The following HNF1B variants were observed in gnomAD, a reference collection of about 807,000 sequenced individuals.
HNF1B encodes hepatocyte nuclear factor 1-beta.
Under a neutral mutation model 61.7 loss-of-function variants are expected in HNF1B, and 8 were observed. That is an observed-to-expected ratio of 0.13 (90% CI 0.08 to 0.23). HNF1B has a LOEUF of 0.23. Among genes scored for constraint, HNF1B ranks in the 10% least tolerant of loss-of-function variants. The pLI is 1.00. For synonymous variants in HNF1B, 314 were observed against 287.7 expected (o/e 1.09, Z -0.93); for missense variants, 562 against 714.5 (o/e 0.79, Z 2.43).
rs756308397 is a variant in HNF1B, at chr17:37,710,620, G to T, written c.1089C>A (p.Ser363=). ...TGTTGCCATGGTGACTGATTGTTGAGGAGGAAGTGATCTCATTGTTTCCCT... is the reference window on the plus strand; with the variant it reads ...TGTTGCCATGGTGACTGATTGTTGATGAGGAAGTGATCTCATTGTTTCCCT... ...SQQGNNEITS[S]STISHHGNSA... Residue 363 remains serine (S), a synonymous_variant, in exon 5 of 9, where the codon TCC becomes TCA. Transcript: ENST00000617811. 1.2e-6 allele frequency: 2 copies of T among 1,614,082 alleles called. No individual in the cohort carries two copies. The highest frequency in any genetic ancestry group is 1.7e-6 in the Non-Finnish European group (2 of 1,180,020).
chr17:37,742,306 C>G (rs890348014), intron 1 of HNF1B, among the ~76,000 whole-genome samples: 2 of 152,260 alleles, frequency 1.3e-5, no homozygotes, highest in Non-Finnish European at 2.9e-5. Flanking sequence ...AAGGCCAGCT[C>G]CGGCCGGGAG....
chr17:37,720,816 G>C, intron 4 of HNF1B: 7 of 985,292 alleles, frequency 7.1e-6, no homozygotes, highest in Non-Finnish European at 8.4e-6. Flanking sequence ...AGAGACTTCA[G>C]GGACCTTCTT....
At chr17:37,705,355 A>G (rs2032709655) in intron 5 of HNF1B, among the ~76,000 whole-genome samples, 1 of 152,210 alleles carries the variant, frequency 6.6e-6, no homozygotes. Context: ...GACAGACACT[A>G]TTCTAGGTGC....
At chr17:37,728,358 G>C (rs2033574122) in intron 4 of HNF1B, among the ~76,000 whole-genome samples, 1 of 149,392 alleles carries the variant, frequency 6.7e-6, no homozygotes. Context: ...CCAGGCTAGA[G>C]TGCAGTGGCG....
At chr17:37,720,956 T>C (rs1041129301) in intron 4 of HNF1B, 33 of 985,252 alleles carry the variant, frequency 3.3e-5, no homozygotes, top group Admixed American at 6.2e-5. Flanking sequence ...TTGAGATAAA[T>C]TAAGCACTTT....
intron 4 of HNF1B, among the ~76,000 whole-genome samples, chr17:37,717,613 T>C (rs964513946): frequency 1.3e-5 from 2 of 152,212 alleles, no homozygotes; most frequent in African/African-American, 4.8e-5. Flanking sequence ...CAGTACTGTG[T>C]CCTGATAACT....
chr17:37,733,849 A>G, intron 2 of HNF1B, 28 bp from the exon 3 acceptor site: 1 of 1,611,306 alleles, frequency 6.2e-7, no homozygotes, highest in Non-Finnish European at 8.5e-7. Flanking sequence ...TAGATTTGAT[A>G]GGGTCTGTAG....
intron 7 of HNF1B, among the ~76,000 whole-genome samples, chr17:37,700,767 C>T (rs929112152): frequency 3.3e-5 from 5 of 152,212 alleles, no homozygotes; most frequent in African/African-American, 7.2e-5. Flanking sequence ...CCTCTTCAAA[C>T]CCTTCCCTGG....
chr17:37,742,202 C>A (rs2034013137), intron 1 of HNF1B, among the ~76,000 whole-genome samples: 1 of 152,268 alleles, frequency 6.6e-6, no homozygotes, highest in Non-Finnish European at 1.5e-5. Context: ...CCAGCGCAGT[C>A]CGCAGCGCGT....
intron 8 of HNF1B, among the ~76,000 whole-genome samples, chr17:37,689,475 A>G (rs1234442704): frequency 2.6e-5 from 4 of 152,234 alleles, no homozygotes; most frequent in Non-Finnish European, 5.9e-5. Flanking sequence ...CAGCTATCAA[A>G]TGTTTGCTCA....
At chr17:37,717,873 T>C (rs1301130272) in intron 4 of HNF1B, among the ~76,000 whole-genome samples, 7 of 152,228 alleles carry the variant, frequency 4.6e-5, no homozygotes, top group African/African-American at 1.2e-4. Context: ...TACAGATTCA[T>C]GTTTGCAAAG....
At chr17:37,690,982 A>T (rs934550794) in intron 8 of HNF1B, among the ~76,000 whole-genome samples, 3 of 152,184 alleles carry the variant, frequency 2.0e-5, no homozygotes, top group Non-Finnish European at 4.4e-5. Context: ...CCAAAGAATG[A>T]GGCCCGGGGC....
At chr17:37,702,158 G>T (rs940637238) in intron 6 of HNF1B, among the ~76,000 whole-genome samples, 2 of 152,150 alleles carry the variant, frequency 1.3e-5, no homozygotes, top group Non-Finnish European at 2.9e-5. Flanking sequence ...GGAAGTTGGG[G>T]GAAGAATGGG....
At chr17:37,725,800 G>A (rs1411785976) in intron 4 of HNF1B, among the ~76,000 whole-genome samples, 2 of 152,222 alleles carry the variant, frequency 1.3e-5, no homozygotes, top group Non-Finnish European at 2.9e-5. Flanking sequence ...CCCAGGGAGG[G>A]GGCGGAGCTC....
chr17:37,699,456 C>T (rs528717865), intron 7 of HNF1B, among the ~76,000 whole-genome samples: 32 of 152,332 alleles, frequency 2.1e-4, no homozygotes, highest in Admixed American at 9.1e-4. Flanking sequence ...GGGAGGCCTC[C>T]GGTACGGAAC....
chr17:37,693,221 T>G, intron 8 of HNF1B, among the ~76,000 whole-genome samples: 1 of 142,400 alleles, frequency 7.0e-6, no homozygotes, highest in South Asian at 2.2e-4. Context: ...AAAGAGTCAC[T>G]GGAAGGGGAG....
intron 4 of HNF1B, chr17:37,729,023 A>C (rs1380244235): frequency 2.6e-5 from 4 of 152,370 alleles, no homozygotes; most frequent in Admixed American, 2.0e-4. Context: ...GTTAAGAGTC[A>C]TAATGAGGGT....
Position 37,699,028 on chromosome 17 carries a change from A to T in HNF1B, c.1653+48T>A, listed in dbSNP as rs538220597. 2.9e-6 allele frequency: 4 copies of T among 1,358,796 alleles called. No individual in the cohort carries two copies. The Admixed American group carries it at 6.7e-5, about 23-fold the overall frequency. The allele number at this position is 1,358,796 out of a possible 1,614,324, so 84.2% of individuals were successfully genotyped here. A position where few individuals can be genotyped will look rare whatever the true frequency, so the allele number is the denominator to read the frequency against. ...ACAACCTCTGCACATCCATGGCCTT[A>T]TCACACCCTGCCCACACCCCAACCC... On this transcript the variant is annotated intron_variant, in intron 8 of 8. Coordinates refer to ENST00000617811, the MANE Select transcript of HNF1B (RefSeq NM_000458.4).
rs191374379 is a variant in HNF1B at position 37,732,013 on chromosome 17, A to G, written c.810-183T>C. Among the ~76,000 whole-genome samples the G allele has an allele frequency of 2.6e-4, 40 of 152,332 alleles. 1 individual carries two copies. The highest frequency in any genetic ancestry group is 9.1e-4 in the African/African-American group (38 of 41,570). On this transcript the variant is annotated intron_variant, in intron 3 of 8. Transcript: ENST00000617811. ...GCCAATCCATGGAGTGATCTGATGA[A>G]GATGGCTGAAGTGGGCCTGAACGCA...
Sources: gnomAD v4.1 joint callset for allele counts (sites outside exome capture counted in the v4.1 genomes callset) on GRCh38, gnomAD v4.1.1 for gene constraint, MANE v1.5 for transcripts, NCBI Gene and HGNC (gene_info 2026-07-23, HGNC 2026-07-21) for gene names.